ATXN1: variants seen among roughly 807,000 people sequenced by gnomAD.
The protein encoded by ATXN1 is ataxin 1, also known as ataxin-1.
In ATXN1, 8 loss-of-function variants were observed where a neutral mutation model predicts 56.4. That is an observed-to-expected ratio of 0.14 (90% CI 0.08 to 0.26). The LOEUF (loss-of-function observed/expected upper bound fraction) is 0.26, where lower values mean the gene tolerates loss of function less well. ATXN1 is among the 10% of genes least tolerant of loss of function. The pLI, the probability that ATXN1 is intolerant of heterozygous loss-of-function variation, is 1.00. For missense variants in ATXN1, 987 were observed against 1,106.5 expected, an observed-to-expected ratio of 0.89 and a Z score of 1.53; for synonymous variants, 514 against 494.6, an observed-to-expected ratio of 1.04 and a Z score of -0.52.
chr6:16,733,432 G>A (rs1760036706), intron 2 of ATXN1, among the ~76,000 whole-genome samples: 1 of 152,070 alleles, frequency 6.6e-6, no homozygotes, highest in Non-Finnish European at 1.5e-5. Flanking sequence ...GTGTGGTGGT[G>A]CACAGCGGCA....
chr6:16,688,384 T>G (rs17606216), intron 2 of ATXN1, among the ~76,000 whole-genome samples: 1 of 152,064 alleles, frequency 6.6e-6, no homozygotes. Context: ...AAAATGGAAG[T>G]AGGGTTCTAA....
chr6:16,367,272 C>A (rs1189156143), intron 6 of ATXN1, among the ~76,000 whole-genome samples: 1 of 151,980 alleles, frequency 6.6e-6, no homozygotes, highest in Non-Finnish European at 1.5e-5. Context: ...GGGAAAGGGG[C>A]AGTTATAAAT....
intron 5 of ATXN1, among the ~76,000 whole-genome samples, chr6:16,507,473 A>G (rs1476203721): frequency 6.6e-6 from 1 of 152,194 alleles, no homozygotes; most frequent in Non-Finnish European, 1.5e-5. Flanking sequence ...CTCAATCACT[A>G]TATTAGTGTT....
intron 6 of ATXN1, among the ~76,000 whole-genome samples, chr6:16,385,249 T>C (rs1008687700): frequency 6.6e-6 from 1 of 152,160 alleles, no homozygotes; most frequent in African/African-American, 2.4e-5. Flanking sequence ...CTTGAAGGTA[T>C]GGAGAATCTC....
chr6:16,629,453 G>A (rs1156612295), intron 3 of ATXN1, among the ~76,000 whole-genome samples: 1 of 151,842 alleles, frequency 6.6e-6, no homozygotes, highest in Non-Finnish European at 1.5e-5. Context: ...TCAGCCTCCC[G>A]CGTAGCTGGG....
At chr6:16,694,556 T>G (rs1219810270) in intron 2 of ATXN1, among the ~76,000 whole-genome samples, 1 of 152,246 alleles carries the variant, frequency 6.6e-6, no homozygotes, top group Non-Finnish European at 1.5e-5. Context: ...GTATTATGGT[T>G]GTAAAAGCAC....
At chr6:16,455,853 C>A (rs897207689) in intron 6 of ATXN1, among the ~76,000 whole-genome samples, 1 of 152,122 alleles carries the variant, frequency 6.6e-6, no homozygotes, top group Non-Finnish European at 1.5e-5. Context: ...GTTTGTAAAG[C>A]GCACCAATCA....
At chr6:16,663,401 A>G (rs181699089) in intron 2 of ATXN1, among the ~76,000 whole-genome samples, 1 of 152,228 alleles carries the variant, frequency 6.6e-6, no homozygotes, top group Non-Finnish European at 1.5e-5. Flanking sequence ...CTTTTGAATT[A>G]TATAAAATAC....
rs749883554 is a variant in ATXN1, at chr6:16,327,879, T to C, written c.432A>G (p.Pro144=). 2.2e-5 allele frequency: 36 copies of C among 1,607,362 alleles called. No homozygotes were observed. In the Admixed American group the frequency reaches 5.8e-4, roughly 26 times the overall value. ...QYSGTYASFI[P]SQLIPPTANP... ...TGGCGGTTGGGGGGATCAGCTGTGA[T>C]GGGATGAAGCTGGCATAGGTTCCAC... is the stretch of plus-strand genomic sequence containing the variant. The change falls in exon 7 of 8, where the codon CCA becomes CCG. Residue 144 remains proline, a synonymous_variant. Transcript: ENST00000436367.
rs1182321933 is a variant in ATXN1 at position 16,301,892 on chromosome 6, A to C, written c.*4437T>G. Reference sequence around the variant, plus strand: ...AGATTTTTCTCTCTATGAAAGAAATAGGTTTCCTTAGTAGTCACAGATGTT... The same window carrying C: ...AGATTTTTCTCTCTATGAAAGAAATCGGTTTCCTTAGTAGTCACAGATGTT... On this transcript the variant is annotated 3_prime_UTR_variant, in exon 8 of 8. Transcript: ENST00000436367. 2 of 152,786 alleles carry C rather than the reference A, an allele frequency of 1.3e-5. No individual in the cohort carries two copies. The highest frequency in any genetic ancestry group is 6.5e-5 in the Admixed American group (1 of 15,288). The allele number at this position is 152,786 out of a possible 1,614,324, so 9.5% of individuals were successfully genotyped here. A position where few individuals can be genotyped will look rare whatever the true frequency, so the allele number is the denominator to read the frequency against.
chr6:16,661,870 G>A (rs1208664956), intron 2 of ATXN1, among the ~76,000 whole-genome samples: 4 of 152,132 alleles, frequency 2.6e-5, no homozygotes, highest in Admixed American at 6.5e-5. Flanking sequence ...CGTCAGCCCA[G>A]GTTAACAACT....
chr6:16,305,731 G>T lies in ATXN1; in HGVS notation c.*598C>A, dbSNP rs987981208. On this transcript the variant is annotated 3_prime_UTR_variant, in exon 8 of 8. Coordinates refer to ENST00000436367, the MANE Select transcript of ATXN1 (RefSeq NM_001128164.2). Reference sequence around the variant, plus strand: ...TGTAAAATATGTTGGAGAGAAAAATGTTCTTTTAAATGGTTAACTTTCCAA... The same window carrying T: ...TGTAAAATATGTTGGAGAGAAAAATTTTCTTTTAAATGGTTAACTTTCCAA... The T allele has an allele frequency of 6.5e-6, 1 of 152,766 alleles. No homozygotes were observed. Among genetic ancestry groups the T allele is most frequent in the Non-Finnish European group, 1.5e-5 (1 of 68,134 alleles). 9.5% of individuals were successfully genotyped at this position (152,766 alleles called of 1,614,324 possible).
intron 3 of ATXN1, among the ~76,000 whole-genome samples, chr6:16,617,121 G>T (rs1439700620): frequency 6.6e-6 from 1 of 151,880 alleles, no homozygotes; most frequent in East Asian, 1.9e-4. Flanking sequence ...TTGATCGGGG[G>T]GACTACTGTA....
At chr6:16,456,842 A>T (rs138151094) in intron 6 of ATXN1, among the ~76,000 whole-genome samples, 4 of 152,290 alleles carry the variant, frequency 2.6e-5, no homozygotes, top group African/African-American at 9.6e-5. Flanking sequence ...CCAATCAGAA[A>T]GACATAATTT....
intron 3 of ATXN1, among the ~76,000 whole-genome samples, chr6:16,597,601 G>A (rs1762838568): frequency 6.6e-6 from 1 of 152,014 alleles, no homozygotes; most frequent in Non-Finnish European, 1.5e-5. Context: ...ACCACACTTG[G>A]CTATTTTTTT....
At chr6:16,500,738 TAAAAA>T (rs1167731131) in intron 5 of ATXN1, among the ~76,000 whole-genome samples, 2 of 84,616 alleles carry the variant, frequency 2.4e-5, no homozygotes. Flanking sequence ...TTCATTATGA[TAAAAA>T]AAAAAAAAAA....
intron 2 of ATXN1, among the ~76,000 whole-genome samples, chr6:16,683,837 T>C (rs761495668): frequency 1.3e-5 from 2 of 152,148 alleles, no homozygotes; most frequent in Non-Finnish European, 2.9e-5. Flanking sequence ...CCTCTATTCC[T>C]CATCCCCTGC....
intron 3 of ATXN1, among the ~76,000 whole-genome samples, chr6:16,650,009 T>C (rs1763866485): frequency 6.6e-6 from 1 of 151,746 alleles, no homozygotes; most frequent in Non-Finnish European, 1.5e-5. Context: ...AGTGGAATGG[T>C]GCAGTCTAAA....
At chr6:16,540,399 GA>G (rs1761690703) in intron 4 of ATXN1, among the ~76,000 whole-genome samples, 1 of 152,030 alleles carries the variant, frequency 6.6e-6, no homozygotes, top group Non-Finnish European at 1.5e-5. Context: ...TTTTAGTAGA[GA>G]CGGGTTTCAC....
Sources: allele counts gnomAD v4.1 joint callset (sites outside exome capture counted in the v4.1 genomes callset), GRCh38; gene constraint gnomAD v4.1.1; transcripts MANE v1.5; gene names NCBI Gene and HGNC (gene_info 2026-07-23, HGNC 2026-07-21).